PTPRT: variants seen among roughly 807,000 people sequenced by gnomAD.
The protein encoded by PTPRT is protein tyrosine phosphatase receptor type T.
A neutral mutation model predicts 176.8 loss-of-function variants in PTPRT; 56 were observed. The ratio of observed to expected loss-of-function variants is 0.32; its 90% CI spans 0.26 to 0.40. The LOEUF is 0.40. PTPRT is among the 10% of genes least tolerant of loss of function. The pLI, the probability that PTPRT is intolerant of heterozygous loss-of-function variation, is 1.00. For missense variants in PTPRT, 1,540 were observed against 1,908.2 expected, an observed-to-expected ratio of 0.81 and a Z score of 3.60; for synonymous variants, 783 against 739.0, an observed-to-expected ratio of 1.06 and a Z score of -0.96.
Position 42,206,450 on chromosome 20 carries a change from C to T in PTPRT, c.2343-7062G>A, listed in dbSNP as rs529436294. On this transcript the variant is annotated intron_variant, in intron 15 of 30. Coordinates refer to ENST00000373187, the MANE Select transcript of PTPRT (RefSeq NM_007050.6). Reference sequence around the variant, plus strand: ...GCACCATGCGCGAGCCGAAGCAGGGCGAGGCATTGCCTCACTTGGGAAGCG... The same window carrying T: ...GCACCATGCGCGAGCCGAAGCAGGGTGAGGCATTGCCTCACTTGGGAAGCG... Among the ~76,000 whole-genome samples the T allele has an allele frequency of 1.3e-4, 20 of 152,310 alleles. No homozygotes were observed. In the South Asian group the frequency reaches 2.5e-3, roughly 19 times the overall value.
At chr20:42,536,656 C>T (rs2072481514) in intron 7 of PTPRT, among the ~76,000 whole-genome samples, 4 of 152,154 alleles carry the variant, frequency 2.6e-5, no homozygotes, top group Non-Finnish European at 5.9e-5. Flanking sequence ...TAAGGACATA[C>T]ATAAAGTGTT....
intron 6 of PTPRT, among the ~76,000 whole-genome samples, chr20:42,749,734 C>T (rs916754089): frequency 1.3e-5 from 2 of 152,216 alleles, no homozygotes; most frequent in African/African-American, 4.8e-5. Context: ...GAGCTTATTA[C>T]AGAACCTGAC....
intron 17 of PTPRT, among the ~76,000 whole-genome samples, chr20:42,148,713 G>T (rs149596637): frequency 6.6e-6 from 1 of 152,172 alleles, no homozygotes; most frequent in African/African-American, 2.4e-5. Context: ...AGGCAAGGCC[G>T]CTCTGAGGCC....
intron 19 of PTPRT, among the ~76,000 whole-genome samples, chr20:42,127,245 A>G (rs1987900966): frequency 6.6e-6 from 1 of 152,170 alleles, no homozygotes; most frequent in Non-Finnish European, 1.5e-5. Flanking sequence ...GACTGGCAGG[A>G]GACTGGACTA....
At chr20:43,071,162 G>GCCACATC (rs999357450) in intron 1 of PTPRT, among the ~76,000 whole-genome samples, 114 of 152,192 alleles carry the variant, frequency 7.5e-4, no homozygotes, top group Middle Eastern at 6.8e-3. Context: ...ACCAGCCAAG[G>GCCACATC]CCACATCCTT....
At chr20:42,847,166 C>A (rs951022188) in intron 2 of PTPRT, among the ~76,000 whole-genome samples, 1 of 152,138 alleles carries the variant, frequency 6.6e-6, no homozygotes, top group African/African-American at 2.4e-5. Context: ...AGGTACAAAG[C>A]GGGCAAGGAC....
chr20:42,682,689 C>T (rs4812615), intron 6 of PTPRT, among the ~76,000 whole-genome samples: 23,821 of 152,142 alleles, frequency 0.16, 2,941 homozygotes, highest in African/African-American at 0.34. Flanking sequence ...GGCATCAAAG[C>T]GCTGCGAGGA....
In PTPRT at chr20:42,776,462, T is replaced by C. The variant is rs528502484; in HGVS notation, c.568+3756A>G. 3.3e-5 allele frequency among the ~76,000 whole-genome samples: 5 copies of C among 152,180 alleles called. No individual in the cohort carries two copies. The South Asian group carries it at 1.0e-3, about 32-fold the overall frequency. ...GAATGCACCGGGAGACACCAAAGGATTGTAAGTACAGAGGAATGACCATGT... is the reference window on the plus strand; with the variant it reads ...GAATGCACCGGGAGACACCAAAGGACTGTAAGTACAGAGGAATGACCATGT... On this transcript the variant is annotated intron_variant, in intron 4 of 30. Coordinates refer to ENST00000373187, the MANE Select transcript of PTPRT (RefSeq NM_007050.6).
intron 7 of PTPRT, among the ~76,000 whole-genome samples, chr20:42,592,125 A>G (rs1317924211): frequency 2.7e-5 from 4 of 149,390 alleles, no homozygotes; most frequent in African/African-American, 5.0e-5. Flanking sequence ...GACTACAGGC[A>G]CCCACAACCA....
At chr20:42,717,099 A>C (rs1003818013) in intron 6 of PTPRT, among the ~76,000 whole-genome samples, 2 of 152,040 alleles carry the variant, frequency 1.3e-5, no homozygotes, top group Non-Finnish European at 2.9e-5. Context: ...TGATGAGTTA[A>C]TGGGTACAGC....
chr20:43,079,433 T>G (rs1039191422), intron 1 of PTPRT, among the ~76,000 whole-genome samples: 1 of 152,142 alleles, frequency 6.6e-6, no homozygotes, highest in African/African-American at 2.4e-5. Context: ...CAAATCCCTC[T>G]GGAAATGCTG....
intron 2 of PTPRT, among the ~76,000 whole-genome samples, chr20:42,799,423 G>A (rs2077498259): frequency 6.6e-6 from 1 of 152,130 alleles, no homozygotes; most frequent in African/African-American, 2.4e-5. Context: ...CAATGATGAT[G>A]TGATGAAAAC....
chr20:42,666,917 T>A (rs1433825403), intron 7 of PTPRT, among the ~76,000 whole-genome samples: 1 of 152,232 alleles, frequency 6.6e-6, no homozygotes, highest in East Asian at 1.9e-4. Flanking sequence ...TTTTTTCAGT[T>A]AAGTTTATTC....
At chr20:42,762,176 A>G (rs114635975) in intron 5 of PTPRT, among the ~76,000 whole-genome samples, 5,306 of 152,242 alleles carry the variant, frequency 0.035, 296 homozygotes, top group African/African-American at 0.12. Flanking sequence ...TTCTTTTAAT[A>G]TATTATTAAG....
rs528565764 is a variant in PTPRT, at chr20:42,709,516, T to C, written c.860-31357A>G. Among the ~76,000 whole-genome samples, 57 of 152,288 alleles carry C rather than the reference T, an allele frequency of 3.7e-4. 1 individual carries two copies. In the South Asian group the frequency reaches 0.011, roughly 30 times the overall value. ...AGCTTCCTGGGGCCCTTGCTAGAAA[T>C]AGATGCTACCAGTATGCTTTGTGTA... On this transcript the variant is annotated intron_variant, in intron 6 of 30. Transcript: ENST00000373187.
At chr20:42,560,009 C>T (rs925200652) in intron 7 of PTPRT, among the ~76,000 whole-genome samples, 2 of 152,138 alleles carry the variant, frequency 1.3e-5, no homozygotes, top group African/African-American at 4.8e-5. Context: ...CCATGGCCTG[C>T]CCTCATTTTG....
At chr20:42,429,589 G>T (rs1038865938) in intron 9 of PTPRT, among the ~76,000 whole-genome samples, 2 of 152,182 alleles carry the variant, frequency 1.3e-5, no homozygotes, top group African/African-American at 4.8e-5. Context: ...CTGTGCCAGG[G>T]CACAGGCAGA....
rs575334265 is a variant in PTPRT, at chr20:42,417,825, AC to A, written c.1560+30394del. On this transcript the variant is annotated intron_variant, in intron 9 of 30. Transcript: ENST00000373187. ...TGATCATAGCTCATTGTAACCTCAA[AC>A]TCCTGGGCTCAAGTGATCTTCCCAC... Among the ~76,000 whole-genome samples the A allele has an allele frequency of 6.6e-5, 10 of 151,806 alleles. No individual in the cohort carries two copies. The South Asian group carries it at 2.1e-3, about 32-fold the overall frequency.
intron 11 of PTPRT, among the ~76,000 whole-genome samples, chr20:42,339,388 T>C (rs2058082169): frequency 6.6e-6 from 1 of 152,204 alleles, no homozygotes; most frequent in African/African-American, 2.4e-5. Flanking sequence ...GTTCAGCTTT[T>C]AGGAGCTAAA....
Sources: gnomAD v4.1 joint callset for allele counts (sites outside exome capture counted in the v4.1 genomes callset) on GRCh38, gnomAD v4.1.1 for gene constraint, MANE v1.5 for transcripts, NCBI Gene and HGNC (gene_info 2026-07-23, HGNC 2026-07-21) for gene names.